Variants in TECR observed in about 807,000 individuals in gnomAD.
The protein encoded by TECR is very-long-chain enoyl-CoA reductase.
TECR carries 19 observed loss-of-function variants against 50.6 expected under a neutral mutation model. That is an observed-to-expected ratio of 0.38 (90% confidence interval 0.26 to 0.55). The LOEUF (loss-of-function observed/expected upper bound fraction) is 0.55, where lower values mean the gene tolerates loss of function less well. Among genes scored for constraint, TECR ranks in the 20% least tolerant of loss-of-function variants. The probability of loss-of-function intolerance (pLI) is 0.79; values close to 1 mark genes in which losing one functional copy is unlikely to be tolerated. For synonymous variants in TECR, 168 were observed against 163.5 expected (o/e 1.03, Z -0.21); for missense variants, 313 against 408.3 (o/e 0.77, Z 2.01).
chr19:14,561,231 C>T (rs542700171), intron 1 of TECR, among the ~76,000 whole-genome samples: 12 of 152,308 alleles, frequency 7.9e-5, no homozygotes, highest in Non-Finnish European at 1.5e-4. Context: ...AGGTTTGTTT[C>T]TGAGCATTGT....
intron 7 of TECR, 199 bp from the exon 8 acceptor site, chr19:14,564,586 TA>T: frequency 2.2e-5 from 1 of 46,510 alleles, no homozygotes; most frequent in Non-Finnish European, 4.1e-5. Context: ...GTTTCACCCC[TA>T]GGCCCCTCCT....
intron 1 of TECR, chr19:14,532,344 A>G (rs7247498): frequency 0.84 from 126,908 of 151,788 alleles, 53,889 homozygotes; most frequent in Middle Eastern, 0.9. Context: ...TGAGGAGTTC[A>G]AGACCAGCCT....
intron 1 of TECR, among the ~76,000 whole-genome samples, chr19:14,556,177 G>GT (rs2073714274): frequency 1.3e-5 from 2 of 152,048 alleles, no homozygotes; most frequent in African/African-American, 4.8e-5. Flanking sequence ...GGCCACACAG[G>GT]ACTCCTTCCT....
At chr19:14,538,875 G>A (rs1227224316) in intron 1 of TECR, among the ~76,000 whole-genome samples, 2 of 151,930 alleles carry the variant, frequency 1.3e-5, no homozygotes, top group Non-Finnish European at 2.9e-5. Context: ...CCAGGCGCCA[G>A]GAGACAGACT....
In TECR at chr19:14,565,172, C is replaced by G. The variant is rs547274009; in HGVS notation, c.665-30C>G. 1.6e-5 allele frequency: 26 copies of G among 1,613,856 alleles called. No homozygotes were observed. In the East Asian group the frequency reaches 5.8e-4, roughly 36 times the overall value. Reference sequence around the variant, plus strand: ...GGACAGCTGGGCTGGGTGAGGGGGTCTGACTTTCTCCTTCTGTCCTGCCTG... The same window carrying G: ...GGACAGCTGGGCTGGGTGAGGGGGTGTGACTTTCTCCTTCTGTCCTGCCTG... On this transcript the variant is annotated intron_variant, in intron 10 of 12. Transcript: ENST00000215567.
upstream of TECR, chr19:14,529,556 G>T: frequency 7.6e-7 from 1 of 1,311,088 alleles, no homozygotes. Context: ...CCGACGGGGC[G>T]CGCGCGGCCT....
At position 14,565,894 on chromosome 19, in the gene TECR, A is replaced by C. The variant is rs1599511031; in HGVS notation, c.*23A>C. 2 of 1,568,552 alleles carry C rather than the reference A, an allele frequency of 1.3e-6. No individual in the cohort carries two copies. The highest frequency in any genetic ancestry group is 2.7e-5 in the African/African-American group (2 of 74,002). ...TGAGCGCTCACCCCTGCTGAGGCTC[A>C]GCCCCTCAACCCGGTGGCATTCTGG... On this transcript the variant is annotated 3_prime_UTR_variant, in exon 13 of 13. Transcript: ENST00000215567.
intron 11 of TECR, 59 bp downstream of exon 11, chr19:14,565,349 A>G (rs1434184767): frequency 1.9e-6 from 3 of 1,595,208 alleles, no homozygotes; most frequent in Non-Finnish European, 2.6e-6. Context: ...TGGAGGGACC[A>G]GCCCCTAGGA....
chr19:14,556,426 A>AAAAACAAAAAC (rs2073727748), intron 1 of TECR, among the ~76,000 whole-genome samples: 1 of 150,922 alleles, frequency 6.6e-6, no homozygotes, highest in African/African-American at 2.4e-5. Context: ...AAACAAAAAC[A>AAAAACAAAAAC]AAAAAAACCA....
intron 1 of TECR, among the ~76,000 whole-genome samples, chr19:14,541,717 G>A (rs920154740): frequency 6.6e-6 from 1 of 152,070 alleles, no homozygotes; most frequent in Admixed American, 6.6e-5. Flanking sequence ...TATGTCCCAC[G>A]TTGAGGGATG....
intron 1 of TECR, among the ~76,000 whole-genome samples, chr19:14,544,803 G>T (rs931934504): frequency 6.6e-6 from 1 of 151,880 alleles, no homozygotes; most frequent in Non-Finnish European, 1.5e-5. Flanking sequence ...CGGCTAATTT[G>T]AAAATTTTCT....
At position 14,563,406 on chromosome 19, in the gene TECR, G is replaced by T; in HGVS notation, c.118+149G>T. On this transcript the variant is annotated intron_variant, in intron 3 of 12. Coordinates refer to ENST00000215567, the MANE Select transcript of TECR (RefSeq NM_138501.6). The surrounding 1 kb of genome is among the most constrained non-coding windows in gnomAD (Gnocchi z 5.3). ...CTTCTGGGGCGTGACTGGGGCAGGCGCCTCCACGTGGCACTCCGCAGGAAC... is the reference window on the plus strand; with the variant it reads ...CTTCTGGGGCGTGACTGGGGCAGGCTCCTCCACGTGGCACTCCGCAGGAAC... 1.1e-6 allele frequency: 1 copy of T among 873,120 alleles called. No homozygotes were observed. The allele number at this position is 873,120 out of a possible 1,614,324, so 54.1% of individuals were successfully genotyped here.
chr19:14,543,415 ATATATTTTTTTTTTTTTTTTTT>A (rs1433017485), intron 1 of TECR, among the ~76,000 whole-genome samples: 29 of 9,466 alleles, frequency 3.1e-3, no homozygotes, highest in Non-Finnish European at 5.5e-3. Flanking sequence ...ATATATATAT[ATATATTTTTTTTTTTTTTTTTT>A]TTTTTTTTTT....
In TECR at chr19:14,565,047, G is replaced by A; in HGVS notation, c.607-19G>A. 3 of 1,613,894 alleles carry A rather than the reference G, an allele frequency of 1.9e-6. No homozygotes were observed. The highest frequency in any genetic ancestry group is 2.5e-6 in the Non-Finnish European group (3 of 1,180,026). ...GGGGGAGTCTGGGCGGCCCTAGGCT[G>A]ATCCTGCTTCTCTGACAGATCTGCC... On this transcript the variant is annotated intron_variant, in intron 9 of 12. Coordinates refer to ENST00000215567, the MANE Select transcript of TECR (RefSeq NM_138501.6).
At chr19:14,559,355 C>G (rs911148845) in intron 1 of TECR, among the ~76,000 whole-genome samples, 13 of 152,194 alleles carry the variant, frequency 8.5e-5, no homozygotes, top group African/African-American at 3.1e-4. Flanking sequence ...CGCCCAGCCC[C>G]TGGCCCCTCC....
intron 1 of TECR, among the ~76,000 whole-genome samples, chr19:14,536,972 G>A (rs1423363080): frequency 6.8e-6 from 1 of 147,056 alleles, no homozygotes; most frequent in African/African-American, 2.5e-5. Flanking sequence ...AGGGGCCGAG[G>A]AGGGGGCGGG....
chr19:14,530,144 G>T (rs568091425), intron 1 of TECR: 46 of 221,836 alleles, frequency 2.1e-4, no homozygotes, highest in Non-Finnish European at 3.5e-4. Context: ...ACGACCTTTG[G>T]ACCCCTTCCC....
chr19:14,535,485 C>T (rs1469067074), intron 1 of TECR, among the ~76,000 whole-genome samples: 6 of 108,200 alleles, frequency 5.5e-5, no homozygotes, highest in Admixed American at 1.2e-4. Context: ...CCAGCCTGGG[C>T]GACAGAGCGA....
At chr19:14,550,898 C>G (rs1475635126) in intron 1 of TECR, among the ~76,000 whole-genome samples, 1 of 152,002 alleles carries the variant, frequency 6.6e-6, no homozygotes, top group East Asian at 1.9e-4. Flanking sequence ...TGTCGAACTC[C>G]TGACCTCAGA....
Sources: gnomAD v4.1 joint callset for allele counts (sites outside exome capture counted in the v4.1 genomes callset) on GRCh38, gnomAD v4.1.1 for gene constraint, Gnocchi (gnomAD v3.1) non-coding constraint, MANE v1.5 for transcripts, NCBI Gene and HGNC (gene_info 2026-07-23, HGNC 2026-07-21) for gene names.